Variants in AKAP13 observed in about 807,000 individuals in gnomAD.
The protein encoded by AKAP13 is A-kinase anchoring protein 13.
Under a neutral mutation model 264.5 loss-of-function variants are expected in AKAP13, and 80 were observed. The observed-to-expected ratio is 0.30, with a 90% confidence interval of 0.25 to 0.36. The LOEUF (loss-of-function observed/expected upper bound fraction) is 0.36, where lower values mean the gene tolerates loss of function less well. Ranked by LOEUF, AKAP13 falls within the 10% of genes least tolerant of loss-of-function variation. AKAP13 has a pLI of 1.00. For synonymous variants in AKAP13, 1,380 were observed against 1,250.2 expected, an observed-to-expected ratio of 1.10 and a Z score of -2.19; for missense variants, 3,712 against 3,435.2, an observed-to-expected ratio of 1.08 and a Z score of -2.01.
rs1056047273 is a variant in AKAP13, at chr15:85,747,661, C to A, written c.*2984C>A. The A allele has an allele frequency of 6.6e-6, 1 of 152,614 alleles. No homozygotes were observed. Among genetic ancestry groups the A allele is most frequent in the Admixed American group, 6.5e-5 (1 of 15,278 alleles). 9.5% of individuals were successfully genotyped at this position (152,614 alleles called of 1,614,324 possible). A position where few individuals can be genotyped will look rare whatever the true frequency, so the allele number is the denominator to read the frequency against. On this transcript the variant is annotated 3_prime_UTR_variant, in exon 37 of 37. Coordinates refer to ENST00000394518, the MANE Select transcript of AKAP13 (RefSeq NM_007200.5). ...TCATCGGTTGGCTTCATTTTCAAGA[C>A]AATCAAATGTATTGACTGTGTTTTC...
chr15:85,589,686 G>A (rs1358309451), intron 8 of AKAP13, among the ~76,000 whole-genome samples: 1 of 147,442 alleles, frequency 6.8e-6, no homozygotes, highest in Non-Finnish European at 1.5e-5. Context: ...CTCCAGCCTG[G>A]GCGACAGAGT....
chr15:85,505,305 C>G (rs114714652), intron 2 of AKAP13, among the ~76,000 whole-genome samples: 2,527 of 152,260 alleles, frequency 0.017, 74 homozygotes, highest in African/African-American at 0.057. Flanking sequence ...TAGGTGGTGC[C>G]TGGACATCTT....
At chr15:85,450,649 A>G (rs971584987) in intron 1 of AKAP13, among the ~76,000 whole-genome samples, 1 of 152,014 alleles carries the variant, frequency 6.6e-6, no homozygotes, top group African/African-American at 2.4e-5. Context: ...CTTATTTTCC[A>G]TGTAATTGGA....
intron 2 of AKAP13, among the ~76,000 whole-genome samples, chr15:85,495,735 A>G (rs970388461): frequency 1.3e-5 from 2 of 152,186 alleles, no homozygotes; most frequent in Non-Finnish European, 2.9e-5. Flanking sequence ...AGCCATTCCA[A>G]TTATAAAACA....
At chr15:85,575,544 T>A (rs1019986099) in intron 6 of AKAP13, among the ~76,000 whole-genome samples, 3 of 152,176 alleles carry the variant, frequency 2.0e-5, no homozygotes, top group Non-Finnish European at 4.4e-5. Flanking sequence ...ATACAAAAAA[T>A]TGGCCGGCCT....
At chr15:85,743,234 C>T (rs746535608) in intron 35 of AKAP13, among the ~76,000 whole-genome samples, 2 of 152,050 alleles carry the variant, frequency 1.3e-5, no homozygotes, top group South Asian at 2.1e-4. Context: ...TTTACAACGC[C>T]GGCGTTTGTG....
intron 3 of AKAP13, among the ~76,000 whole-genome samples, chr15:85,523,784 G>A (rs192573630): frequency 7.2e-5 from 11 of 152,022 alleles, no homozygotes; most frequent in Admixed American, 6.6e-4. Flanking sequence ...ACCCACACTC[G>A]CACTCACACG....
chr15:85,575,237 T>A lies in AKAP13; in HGVS notation c.769T>A (p.Ser257Thr), dbSNP rs957232682. Residue 257 changes from serine (S) to threonine (T), a missense_variant, in exon 6 of 37, where the codon TCT becomes ACT. Physicochemically the swap from Ser to Thr is moderately conservative, Grantham distance 58. Around this residue, in one of 3 missense-constraint regions of AKAP13, gnomAD observed 2,759 missense variants for 2,411.7 expected, o/e 1.14. Coordinates refer to ENST00000394518, the MANE Select transcript of AKAP13 (RefSeq NM_007200.5). ...HRELDIYTLTSESDSHHEHPF... is the reference protein window; with the variant it reads ...HRELDIYTLTTESDSHHEHPF... ...AGAGTTGGACATCTATACATTAACC[T>A]CTGAGTCTGATTCACATCATGAACA... 1.9e-6 allele frequency: 3 copies of A among 1,614,054 alleles called. No individual in the cohort carries two copies. The highest frequency in any genetic ancestry group is 2.7e-5 in the African/African-American group (2 of 74,932).
In AKAP13 at chr15:85,653,675, A is replaced by G. The variant is rs1179096059; in HGVS notation, c.4375-1742A>G. On this transcript the variant is annotated intron_variant, in intron 10 of 36. Coordinates refer to ENST00000394518, the MANE Select transcript of AKAP13 (RefSeq NM_007200.5). ...ATTTTTTTCTCTTTCTTGAAGAACC[A>G]TAATTTTTTTTTACCCTTAATTAAA... Among the ~76,000 whole-genome samples, 3 of 152,290 alleles carry G rather than the reference A, an allele frequency of 2.0e-5. No individual in the cohort carries two copies. The South Asian group carries it at 6.2e-4, about 32-fold the overall frequency.
At chr15:85,680,531 T>C (rs2084531361) in intron 14 of AKAP13, among the ~76,000 whole-genome samples, 1 of 152,158 alleles carries the variant, frequency 6.6e-6, no homozygotes, top group Non-Finnish European at 1.5e-5. Flanking sequence ...AGACTTAGAA[T>C]TTGTTTTAAG....
chr15:85,442,027 T>C (rs949405245), intron 1 of AKAP13, among the ~76,000 whole-genome samples: 1 of 152,192 alleles, frequency 6.6e-6, no homozygotes, highest in Non-Finnish European at 1.5e-5. Flanking sequence ...TCTGTTATCC[T>C]CTCCCTAGGG....
chr15:85,575,346 T>C lies in AKAP13; in HGVS notation c.861+17T>C. 1 of 1,611,658 alleles carries C rather than the reference T, an allele frequency of 6.2e-7. No homozygotes were observed. Among genetic ancestry groups the C allele is most frequent in the Non-Finnish European group, 8.5e-7 (1 of 1,177,804 alleles). On this transcript the variant is annotated intron_variant, in intron 6 of 36. Coordinates refer to ENST00000394518, the MANE Select transcript of AKAP13 (RefSeq NM_007200.5). ...CAACTAATGGTAAGTCAGAAAGCTT[T>C]TATTTTTAAGTATATGCATGTGTAT... is the stretch of plus-strand genomic sequence containing the variant.
At chr15:85,651,117 G>T (rs1208979198) in intron 10 of AKAP13, among the ~76,000 whole-genome samples, 1 of 152,100 alleles carries the variant, frequency 6.6e-6, no homozygotes, top group Non-Finnish European at 1.5e-5. Flanking sequence ...GTAATTTTAT[G>T]TTTATAATGT....
chr15:85,742,807 C>G (rs754302776), intron 35 of AKAP13, among the ~76,000 whole-genome samples: 15 of 151,976 alleles, frequency 9.9e-5, no homozygotes, highest in Non-Finnish European at 1.8e-4. Context: ...TCTTGGACCA[C>G]GAAAGAAAAT....
chr15:85,448,873 A>G (rs1304975320), intron 1 of AKAP13, among the ~76,000 whole-genome samples: 2 of 150,412 alleles, frequency 1.3e-5, no homozygotes, highest in Non-Finnish European at 3.0e-5. Flanking sequence ...TCTGAAAAGA[A>G]AAAAGAAAAC....
At position 85,734,979 on chromosome 15, in the gene AKAP13, T is replaced by G; in HGVS notation, c.7283-13T>G. On this transcript the variant is annotated splice_polypyrimidine_tract_variant and intron_variant, in intron 30 of 36. Coordinates refer to ENST00000394518, the MANE Select transcript of AKAP13 (RefSeq NM_007200.5). ...AGATAAGATGTCAGCTTTGCATGTT[T>G]CCTTTATTCCAGTGGAGATCCTTCA... is the stretch of plus-strand genomic sequence containing the variant. 6.2e-7 allele frequency: 1 copy of G among 1,610,824 alleles called. No individual in the cohort carries two copies. The highest frequency in any genetic ancestry group is 8.5e-7 in the Non-Finnish European group (1 of 1,178,778).
chr15:85,479,559 A>T (rs911757602), intron 1 of AKAP13, among the ~76,000 whole-genome samples: 1 of 152,196 alleles, frequency 6.6e-6, no homozygotes, highest in African/African-American at 2.4e-5. Flanking sequence ...CTGGGAGCAG[A>T]TGTAGGGGTG....
intron 14 of AKAP13, among the ~76,000 whole-genome samples, chr15:85,673,936 C>A (rs891576806): frequency 1.9e-4 from 29 of 151,610 alleles, no homozygotes; most frequent in African/African-American, 7.0e-4. Context: ...CATGATCTGC[C>A]CACCTCGGCC....
chr15:85,530,521 C>T (rs555683772), intron 3 of AKAP13, among the ~76,000 whole-genome samples: 1 of 152,288 alleles, frequency 6.6e-6, no homozygotes, highest in African/African-American at 2.4e-5. Context: ...TCTTCTAAGG[C>T]ACTGTAAATT....
Sources: allele counts gnomAD v4.1 joint callset (sites outside exome capture counted in the v4.1 genomes callset), GRCh38; gene constraint gnomAD v4.1.1; regional missense constraint gnomAD v4.1.1; transcripts MANE v1.5; gene names NCBI Gene and HGNC (gene_info 2026-07-23, HGNC 2026-07-21).